Variants in CNTN4 observed in about 807,000 individuals in gnomAD.
The protein encoded by CNTN4 is contactin 4.
A neutral mutation model predicts 122.5 loss-of-function variants in CNTN4; 77 were observed. The observed-to-expected ratio is 0.63, with a 90% CI of 0.52 to 0.76. CNTN4 has a LOEUF of 0.76. Ranked by LOEUF, CNTN4 falls within the 30% of genes least tolerant of loss-of-function variation. The probability of loss-of-function intolerance (pLI) is 0.00; values close to 1 mark genes in which losing one functional copy is unlikely to be tolerated. For synonymous variants in CNTN4, 512 were observed against 447.0 expected, an observed-to-expected ratio of 1.15 and a Z score of -1.83; for missense variants, 1,256 against 1,259.1, an observed-to-expected ratio of 1.00 and a Z score of 0.04.
intron 3 of CNTN4, among the ~76,000 whole-genome samples, chr3:2,381,522 T>A (rs551429427): frequency 6.6e-6 from 1 of 152,298 alleles, no homozygotes. Flanking sequence ...TGTTCTGTAA[T>A]GTGGCATTAA....
rs188102723 is a variant in CNTN4, at chr3:3,055,802, A to T, written c.2981-318A>T. Among the ~76,000 whole-genome samples, 287 of 152,270 alleles carry T rather than the reference A, an allele frequency of 1.9e-3. 3 individuals carry two copies. The highest frequency in any genetic ancestry group is 6.8e-3 in the African/African-American group (281 of 41,544). On this transcript the variant is annotated intron_variant, in intron 24 of 24. Coordinates refer to ENST00000418658, the MANE Select transcript of CNTN4 (RefSeq NM_175607.3). ...AAGATAGAGTTCAAAAGGGAGCAGC[A>T]ATTTTCATTTTGTTGAATCATCGAC...
Position 3,056,810 on chromosome 3 carries a change from C to G in CNTN4, c.*590C>G, listed in dbSNP as rs1253058646. 1 of 152,938 alleles carries G rather than the reference C, an allele frequency of 6.5e-6. No homozygotes were observed. The highest frequency in any genetic ancestry group is 1.5e-5 in the Non-Finnish European group (1 of 68,286). 9.5% of individuals were successfully genotyped at this position (152,938 alleles called of 1,614,324 possible). On this transcript the variant is annotated 3_prime_UTR_variant, in exon 25 of 25. Coordinates refer to ENST00000418658, the MANE Select transcript of CNTN4 (RefSeq NM_175607.3). ...GTTTCCCATGCCGTTGTGATTTTGA[C>G]ATGTACAGTATGTTTTCATGCCGTT...
In CNTN4 at chr3:2,317,640, T is replaced by A. The variant is rs527442692; in HGVS notation, c.-144-21538T>A. On this transcript the variant is annotated intron_variant, in intron 2 of 24. Coordinates refer to ENST00000418658, the MANE Select transcript of CNTN4 (RefSeq NM_175607.3). Reference sequence around the variant, plus strand: ...GGACAGTCATAGTTCATAGTGAGTTTGAAGTCTTTCTTCTAGTTAATCTGT... The same window carrying A: ...GGACAGTCATAGTTCATAGTGAGTTAGAAGTCTTTCTTCTAGTTAATCTGT... Among the ~76,000 whole-genome samples, 167 of 152,360 alleles carry A rather than the reference T, an allele frequency of 1.1e-3. 1 individual carries two copies. Among genetic ancestry groups the A allele is most frequent in the African/African-American group, 3.9e-3 (164 of 41,590 alleles).
At chr3:2,587,163 A>C (rs2080239683) in intron 4 of CNTN4, among the ~76,000 whole-genome samples, 1 of 152,228 alleles carries the variant, frequency 6.6e-6, no homozygotes, top group South Asian at 2.1e-4. Flanking sequence ...CTTTAAAGGC[A>C]AATGTGAAAT....
chr3:2,163,176 T>C (rs922532286), intron 2 of CNTN4, among the ~76,000 whole-genome samples: 3 of 152,158 alleles, frequency 2.0e-5, no homozygotes, highest in Non-Finnish European at 4.4e-5. Context: ...TGGAACAGAA[T>C]AGGGAACCCA....
At chr3:2,183,761 A>G (rs2037125209) in intron 2 of CNTN4, among the ~76,000 whole-genome samples, 2 of 152,118 alleles carry the variant, frequency 1.3e-5, no homozygotes, top group Non-Finnish European at 2.9e-5. Flanking sequence ...CCATACATGG[A>G]ATGTCATATT....
intron 2 of CNTN4, among the ~76,000 whole-genome samples, chr3:2,117,497 C>A (rs1037546734): frequency 6.6e-6 from 1 of 152,158 alleles, no homozygotes; most frequent in Non-Finnish European, 1.5e-5. Context: ...GGTGATCAAC[C>A]TCACCCTCAG....
At chr3:2,227,418 C>T (rs1488462794) in intron 2 of CNTN4, among the ~76,000 whole-genome samples, 1 of 147,996 alleles carries the variant, frequency 6.8e-6, no homozygotes, top group Non-Finnish European at 1.5e-5. Context: ...CTCATCATAG[C>T]TGACTAATAG....
chr3:2,993,299 A>AT lies in CNTN4; in HGVS notation c.1486+4842dup, dbSNP rs576176618. Among the ~76,000 whole-genome samples the AT allele has an allele frequency of 1.6e-3, 228 of 143,818 alleles. 2 individuals carry two copies. The highest frequency in any genetic ancestry group is 2.1e-3 in the East Asian group (10 of 4,874). 94.4% of individuals were successfully genotyped at this position (143,818 alleles called of 152,430 possible). A position where few individuals can be genotyped will look rare whatever the true frequency, so the allele number is the denominator to read the frequency against. On this transcript the variant is annotated intron_variant, in intron 14 of 24. Transcript: ENST00000418658. ...GAGTAATTATGACAGAGACTGTGTAATTTTTTTTTTTTTTTGAGATGGAGT... is the reference window on the plus strand; with the variant it reads ...GAGTAATTATGACAGAGACTGTGTAATTTTTTTTTTTTTTTTGAGATGGAGT...
At chr3:2,164,173 T>G (rs1398240692) in intron 2 of CNTN4, among the ~76,000 whole-genome samples, 3 of 141,980 alleles carry the variant, frequency 2.1e-5, no homozygotes, top group Non-Finnish European at 4.6e-5. Flanking sequence ...ACTATTGAAA[T>G]AAAAAAGAAA....
At chr3:2,901,891 C>T (rs2094178322) in intron 11 of CNTN4, among the ~76,000 whole-genome samples, 2 of 152,100 alleles carry the variant, frequency 1.3e-5, no homozygotes, top group Admixed American at 1.3e-4. Context: ...TGTCTGGATG[C>T]CATGATCTAG....
chr3:2,796,754 G>T (rs1298460903), intron 6 of CNTN4, among the ~76,000 whole-genome samples: 1 of 152,186 alleles, frequency 6.6e-6, no homozygotes, highest in Non-Finnish European at 1.5e-5. Flanking sequence ...TTCTTGAAGA[G>T]AGATTAAGGG....
intron 2 of CNTN4, among the ~76,000 whole-genome samples, chr3:2,214,307 TG>T (rs1162819323): frequency 6.6e-6 from 1 of 152,058 alleles, no homozygotes; most frequent in African/African-American, 2.4e-5. Flanking sequence ...TTCGGAGCAG[TG>T]GGGGGTTTGT....
At chr3:2,693,059 C>G (rs933150785) in intron 4 of CNTN4, among the ~76,000 whole-genome samples, 1 of 152,272 alleles carries the variant, frequency 6.6e-6, no homozygotes, top group South Asian at 2.1e-4. Context: ...TATCCATTCT[C>G]CATCCACCCA....
intron 4 of CNTN4, among the ~76,000 whole-genome samples, chr3:2,645,564 A>C (rs779412027): frequency 1.3e-5 from 2 of 152,198 alleles, no homozygotes; most frequent in Non-Finnish European, 2.9e-5. Context: ...GGTTGAATTC[A>C]CATTAGTAGT....
chr3:2,734,900 A>G (rs1189735063), intron 4 of CNTN4, among the ~76,000 whole-genome samples: 1 of 152,116 alleles, frequency 6.6e-6, no homozygotes, highest in Non-Finnish European at 1.5e-5. Flanking sequence ...ATTTAATATA[A>G]CTTTACATCA....
chr3:2,534,579 A>C (rs1453991781), intron 3 of CNTN4, among the ~76,000 whole-genome samples: 1 of 151,816 alleles, frequency 6.6e-6, no homozygotes, highest in African/African-American at 2.4e-5. Flanking sequence ...TTAGCCATGT[A>C]CTGTTGGTGT....
intron 3 of CNTN4, among the ~76,000 whole-genome samples, chr3:2,464,682 C>T (rs2151456886): frequency 6.6e-6 from 1 of 152,262 alleles, no homozygotes; most frequent in Non-Finnish European, 1.5e-5. Context: ...CAGGTTGGAA[C>T]AAAATGCATT....
intron 5 of CNTN4, among the ~76,000 whole-genome samples, chr3:2,742,376 A>G (rs1458134279): frequency 6.6e-6 from 1 of 152,210 alleles, no homozygotes; most frequent in Non-Finnish European, 1.5e-5. Flanking sequence ...GACATATGAC[A>G]TTACTTAATG....
Sources: gnomAD v4.1 joint callset for allele counts (sites outside exome capture counted in the v4.1 genomes callset) on GRCh38, gnomAD v4.1.1 for gene constraint, MANE v1.5 for transcripts, NCBI Gene and HGNC (gene_info 2026-07-23, HGNC 2026-07-21) for gene names.